The following UGT2A2 variants were observed in gnomAD, a reference collection of about 807,000 sequenced individuals.
UGT2A2 encodes UDP-glucuronosyltransferase 2A2.
A neutral mutation model predicts 50.7 loss-of-function variants in UGT2A2; 60 were observed. The ratio of observed to expected loss-of-function variants is 1.18; its 90% CI spans 0.96 to 1.47. The LOEUF (loss-of-function observed/expected upper bound fraction) is 1.47. Among genes scored for constraint, UGT2A2 ranks in the 40% most tolerant of loss-of-function variants. The probability of loss-of-function intolerance (pLI) is 0.00; values close to 1 mark genes in which losing one functional copy is unlikely to be tolerated. For synonymous variants in UGT2A2, 242 were observed against 214.6 expected (o/e 1.13, Z -1.11); for missense variants, 762 against 634.0 (o/e 1.20, Z -2.17).
chr4:69,623,983 T>G (rs1010945487), intron 1 of UGT2A2, among the ~76,000 whole-genome samples: 3 of 151,632 alleles, frequency 2.0e-5, no homozygotes, highest in African/African-American at 4.8e-5. Flanking sequence ...AACAAAAACA[T>G]GTAATTTTCA....
chr4:69,598,278 C>A (rs1278273685), intron 2 of UGT2A2, among the ~76,000 whole-genome samples: 1 of 152,094 alleles, frequency 6.6e-6, no homozygotes, highest in East Asian at 1.9e-4. Flanking sequence ...GAACCTGCAA[C>A]TTTCTAAAAA....
intron 1 of UGT2A2, among the ~76,000 whole-genome samples, chr4:69,611,896 A>T (rs1390525213): frequency 6.6e-6 from 1 of 152,144 alleles, no homozygotes; most frequent in Non-Finnish European, 1.5e-5. Flanking sequence ...ACATAAGTTC[A>T]ACTCCCCAAA....
intron 1 of UGT2A2, among the ~76,000 whole-genome samples, chr4:69,624,345 AC>A (rs887646706): frequency 6.6e-5 from 10 of 151,094 alleles, no homozygotes; most frequent in Non-Finnish European, 1.2e-4. Context: ...TTTATTTTTC[AC>A]CTTTTTCTTT....
At chr4:69,636,370 A>G (rs1321525461) in intron 1 of UGT2A2, among the ~76,000 whole-genome samples, 1 of 152,150 alleles carries the variant, frequency 6.6e-6, no homozygotes, top group Non-Finnish European at 1.5e-5. Context: ...AAAATACAAA[A>G]TGGGGTTTTA....
At chr4:69,608,899 T>C (rs1213195608) in intron 1 of UGT2A2, among the ~76,000 whole-genome samples, 11 of 152,150 alleles carry the variant, frequency 7.2e-5, no homozygotes, top group Admixed American at 7.2e-4. Context: ...CAAATTTATA[T>C]GTTTAAAGTA....
At chr4:69,613,821 A>G (rs1422360833) in intron 1 of UGT2A2, among the ~76,000 whole-genome samples, 1 of 152,018 alleles carries the variant, frequency 6.6e-6, no homozygotes, top group Non-Finnish European at 1.5e-5. Flanking sequence ...TAGAAGGAAC[A>G]TAGCTCAACA....
intron 4 of UGT2A2, 42 bp from the exon 5 acceptor site, chr4:69,594,738 C>T: frequency 6.3e-7 from 1 of 1,581,796 alleles, no homozygotes; most frequent in Non-Finnish European, 8.6e-7. Context: ...GTAATAATAA[C>T]ACATTAGCAG....
rs570339318 is a variant in UGT2A2, at chr4:69,594,380, G to A, written c.1331+97C>T. On this transcript the variant is annotated intron_variant, in intron 5 of 5. Transcript: ENST00000604629. ...TATTGGTCAGGTTATGGTTGTTATTGGAAAATAATTACAAAAGTATAAAAG... is the reference window on the plus strand; with the variant it reads ...TATTGGTCAGGTTATGGTTGTTATTAGAAAATAATTACAAAAGTATAAAAG... 6 of 1,458,548 alleles carry A rather than the reference G, an allele frequency of 4.1e-6. No homozygotes were observed. In the African/African-American group the frequency reaches 8.6e-5, roughly 21 times the overall value. 90.4% of individuals were successfully genotyped at this position (1,458,548 alleles called of 1,614,324 possible).
intron 1 of UGT2A2, among the ~76,000 whole-genome samples, chr4:69,601,777 A>T (rs1266215512): frequency 1.4e-5 from 2 of 138,874 alleles, no homozygotes; most frequent in African/African-American, 5.8e-5. Flanking sequence ...AGGTCATATC[A>T]CTGGATCCCT....
intron 1 of UGT2A2, among the ~76,000 whole-genome samples, chr4:69,607,000 C>A (rs1719667387): frequency 7.4e-6 from 1 of 135,772 alleles, no homozygotes; most frequent in South Asian, 2.4e-4. Context: ...TGCCCAAGGT[C>A]ATTTATAGAT....
intron 1 of UGT2A2, among the ~76,000 whole-genome samples, chr4:69,634,297 C>T (rs1721559003): frequency 6.6e-6 from 1 of 151,830 alleles, no homozygotes; most frequent in Non-Finnish European, 1.5e-5. Context: ...CAAAAACCCA[C>T]AACACTGATC....
chr4:69,599,202 T>C lies in UGT2A2; in HGVS notation c.891+44A>G, dbSNP rs143472824. On this transcript the variant is annotated intron_variant, in intron 2 of 5. Coordinates refer to ENST00000604629, the MANE Select transcript of UGT2A2 (RefSeq NM_001105677.2). ...ATAAACTTTAAAAGAAAATTAAGTA[T>C]TTTATTATGAAGAGCATAAAATCCT... 8.6e-4 allele frequency: 1,341 copies of C among 1,556,458 alleles called. 14 individuals carry two copies. The African/African-American group carries it at 0.014, about 17-fold the overall frequency.
At chr4:69,596,480 G>T in intron 2 of UGT2A2, 99 bp from the exon 3 acceptor site, 1 of 1,347,494 alleles carries the variant, frequency 7.4e-7, no homozygotes, top group East Asian at 2.8e-5. Flanking sequence ...ATATATGTCA[G>T]AGAAACTGTT....
rs147431006 is a variant in UGT2A2, at chr4:69,634,662, G to T, written c.742+4237C>A. 8.3e-4 allele frequency among the ~76,000 whole-genome samples: 126 copies of T among 152,022 alleles called. 1 individual carries two copies. In the East Asian group the frequency reaches 0.015, roughly 18 times the overall value. On this transcript the variant is annotated intron_variant, in intron 1 of 5. Transcript: ENST00000604629. ...TACCATATTGGCGGAACAAAGAGAA[G>T]AATAATATAATAATTTGAATAGATG...
At chr4:69,624,838 A>G (rs986828832) in intron 1 of UGT2A2, among the ~76,000 whole-genome samples, 1 of 151,402 alleles carries the variant, frequency 6.6e-6, no homozygotes, top group Middle Eastern at 3.4e-3. Flanking sequence ...AGTAATATTA[A>G]ATAACATTTT....
chr4:69,637,537 C>CT (rs1324207783), intron 1 of UGT2A2, among the ~76,000 whole-genome samples: 1 of 152,066 alleles, frequency 6.6e-6, no homozygotes, highest in Non-Finnish European at 1.5e-5. Context: ...CTCCAGGGAT[C>CT]TTATGGATTC....
chr4:69,598,077 G>A (rs1048297432), intron 2 of UGT2A2, among the ~76,000 whole-genome samples: 10 of 152,044 alleles, frequency 6.6e-5, no homozygotes, highest in African/African-American at 1.9e-4. Context: ...CTATGGATAC[G>A]TCATGAATAT....
rs1302009033 is a variant in UGT2A2, at chr4:69,604,068, G to A, written c.743-4674C>T. On this transcript the variant is annotated intron_variant, in intron 1 of 5. Coordinates refer to ENST00000604629, the MANE Select transcript of UGT2A2 (RefSeq NM_001105677.2). ...TTCAAACTCAGGAAATACAGAGAAC[G>A]CCACAAAGATACTCCTCGAGAAGAG... Among the ~76,000 whole-genome samples, 22 of 135,768 alleles carry A rather than the reference G, an allele frequency of 1.6e-4. 8 individuals are homozygous for A. Among genetic ancestry groups the A allele is most frequent in the African/African-American group, 6.0e-4 (20 of 33,324 alleles). The allele number at this position is 135,768 out of a possible 152,430, so 89.1% of individuals were successfully genotyped here. A position where few individuals can be genotyped will look rare whatever the true frequency, so the allele number is the denominator to read the frequency against.
At chr4:69,625,709 T>C (rs1439149755) in intron 1 of UGT2A2, among the ~76,000 whole-genome samples, 1 of 151,442 alleles carries the variant, frequency 6.6e-6, no homozygotes, top group East Asian at 1.9e-4. Flanking sequence ...CTTATGTAAA[T>C]TTAAAATTTA....
Sources: allele counts gnomAD v4.1 joint callset (sites outside exome capture counted in the v4.1 genomes callset), GRCh38; gene constraint gnomAD v4.1.1; transcripts MANE v1.5; gene names NCBI Gene and HGNC (gene_info 2026-07-23, HGNC 2026-07-21).